EVC2: variants seen among roughly 807,000 people sequenced by gnomAD.
EVC2 encodes the protein limbin.
Under a neutral mutation model 149.3 loss-of-function variants are expected in EVC2, and 148 were observed. The observed-to-expected ratio is 0.99, with a 90% CI of 0.87 to 1.14. The LOEUF (loss-of-function observed/expected upper bound fraction) is 1.14, where lower values mean the gene tolerates loss of function less well. Among genes scored for constraint, EVC2 ranks in the 50% most tolerant of loss-of-function variants. The probability of loss-of-function intolerance (pLI) is 0.00; values close to 1 mark genes in which losing one functional copy is unlikely to be tolerated. For missense variants in EVC2, 1,854 were observed against 1,627.3 expected, an observed-to-expected ratio of 1.14 and a Z score of -2.40; for synonymous variants, 776 against 649.9, an observed-to-expected ratio of 1.19 and a Z score of -2.95.
intron 15 of EVC2, among the ~76,000 whole-genome samples, chr4:5,616,775 C>T (rs1411592328): frequency 1.3e-5 from 2 of 152,186 alleles, no homozygotes; most frequent in Non-Finnish European, 2.9e-5. Flanking sequence ...CCCAGCCTTC[C>T]CTCTGGAGAA....
chr4:5,708,054 G>C (rs563621364), intron 1 of EVC2: 6 of 416,880 alleles, frequency 1.4e-5, no homozygotes, highest in East Asian at 3.7e-5. Context: ...AACCAGGGTC[G>C]CTGGTGAAGT....
intron 16 of EVC2, among the ~76,000 whole-genome samples, chr4:5,602,657 C>A (rs1714077891): frequency 1.3e-5 from 2 of 151,996 alleles, no homozygotes; most frequent in Admixed American, 1.3e-4. Context: ...TAGTTTCCCA[C>A]AAGATTCAAC....
At chr4:5,706,433 G>GATACATAC (rs1176277863) in intron 1 of EVC2, among the ~76,000 whole-genome samples, 2 of 25,740 alleles carry the variant, frequency 7.8e-5, no homozygotes, top group Non-Finnish European at 2.0e-4. Flanking sequence ...TAGATACATA[G>GATACATAC]ATAGATAGAT....
chr4:5,563,641 A>G (rs1027029239), intron 21 of EVC2, among the ~76,000 whole-genome samples: 1 of 151,912 alleles, frequency 6.6e-6, no homozygotes, highest in African/African-American at 2.4e-5. Flanking sequence ...AACCCGGCCC[A>G]TTTTCAGGAG....
chr4:5,620,892 T>C (rs1361328798), intron 14 of EVC2, among the ~76,000 whole-genome samples: 1 of 152,224 alleles, frequency 6.6e-6, no homozygotes, highest in African/African-American at 2.4e-5. Flanking sequence ...GAGAATTTTC[T>C]GGAATGTAGG....
In EVC2 at chr4:5,568,531, G is replaced by A. The variant is rs766443374; in HGVS notation, c.3470C>T (p.Ala1157Val). 2 of 1,589,860 alleles carry A rather than the reference G, an allele frequency of 1.3e-6. No individual in the cohort carries two copies. Among genetic ancestry groups the A allele is most frequent in the South Asian group, 1.1e-5 (1 of 87,628 alleles). ...LPTASQPQLL[A>V]LLDSATERHV... is the part of the protein sequence containing the mutation. ...TCTCTCGGTGGCCGAATCCAGCAGG[G>A]CCAGCAGCTGAGGCTGTGAGGCTGT... The change falls in exon 20 of 22, where the codon GCC becomes GTC. Residue 1157 changes from alanine (A) to valine (V), a missense_variant. Ala to Val is a moderately conservative substitution (Grantham distance 64). Transcript: ENST00000344408.
intron 17 of EVC2, among the ~76,000 whole-genome samples, chr4:5,579,511 G>A (rs1469072470): frequency 1.3e-5 from 2 of 152,140 alleles, no homozygotes; most frequent in Non-Finnish European, 2.9e-5. Flanking sequence ...ACAGATGGTG[G>A]CCAGTGGTCC....
At chr4:5,581,041 T>C (rs190329845) in intron 17 of EVC2, among the ~76,000 whole-genome samples, 332 of 152,342 alleles carry the variant, frequency 2.2e-3, no homozygotes, top group African/African-American at 7.6e-3. Flanking sequence ...TCTGCCATAA[T>C]TGTAAGTTTC....
At chr4:5,552,353 T>C (rs1285021710) in intron 21 of EVC2, among the ~76,000 whole-genome samples, 1 of 152,244 alleles carries the variant, frequency 6.6e-6, no homozygotes, top group Non-Finnish European at 1.5e-5. Context: ...AGCTGAGCCA[T>C]ATAGTGCATT....
intron 9 of EVC2, among the ~76,000 whole-genome samples, chr4:5,644,819 T>C (rs551923396): frequency 6.6e-6 from 1 of 152,326 alleles, no homozygotes; most frequent in African/African-American, 2.4e-5. Context: ...CCTGACATAA[T>C]GACCACTAGG....
chr4:5,536,783 CAA>C, the EVC2 span, among the ~76,000 whole-genome samples: 2 of 137,624 alleles, frequency 1.5e-5, no homozygotes. Context: ...GACTCTGTCT[CAA>C]AAAAAAAAAA....
At chr4:5,623,638 T>C (rs2108840351) in intron 13 of EVC2, among the ~76,000 whole-genome samples, 1 of 152,140 alleles carries the variant, frequency 6.6e-6, no homozygotes, top group Non-Finnish European at 1.5e-5. Context: ...TTGTGCCAGG[T>C]CTAGAAAGTT....
chr4:5,545,008 C>G (rs772435476), intron 21 of EVC2, among the ~76,000 whole-genome samples: 2 of 152,212 alleles, frequency 1.3e-5, no homozygotes, highest in African/African-American at 4.8e-5. Context: ...ACACCCTTCA[C>G]TGACACAGCC....
intron 7 of EVC2, among the ~76,000 whole-genome samples, chr4:5,680,032 C>A (rs1334934682): frequency 6.6e-6 from 1 of 152,154 alleles, no homozygotes; most frequent in Non-Finnish European, 1.5e-5. Flanking sequence ...GCATCAGGAT[C>A]ATCAATATCA....
In EVC2 at chr4:5,640,563, A is replaced by G; in HGVS notation, c.1421T>C (p.Met474Thr). The G allele has an allele frequency of 1.2e-6, 2 of 1,614,100 alleles. No individual in the cohort carries two copies. Among genetic ancestry groups the G allele is most frequent in the Non-Finnish European group, 1.7e-6 (2 of 1,180,016 alleles). ...CTCTTCTGCTTCCTCCATTGCCATC[A>G]TCTCTCTCTGGTACTGGTTTTCCAT... Reference protein sequence around the residue: ...KKMENQYQREMMAMEEAEELL... With the variant: ...KKMENQYQRETMAMEEAEELL... Residue 474 changes from methionine (M) to threonine (T), a missense_variant, in exon 10 of 22, where the codon ATG becomes ACG. By Grantham distance (81) the Met-to-Thr change is moderately conservative. Transcript: ENST00000344408. This position sits in a 1 kb window ranked among gnomAD's most constrained non-coding sequence, Gnocchi z 4.6.
At position 5,640,645 on chromosome 4, in the gene EVC2, A is replaced by T; in HGVS notation, c.1339T>A (p.Tyr447Asn). The change falls in exon 10 of 22, where the codon TAC becomes AAC. Residue 447 changes from tyrosine to asparagine, a missense_variant. Tyr to Asn is a moderately radical substitution (Grantham distance 143, BLOSUM62 -2). Coordinates refer to ENST00000344408, the MANE Select transcript of EVC2 (RefSeq NM_147127.5). This position sits in a 1 kb window ranked among gnomAD's most constrained non-coding sequence, Gnocchi z 4.6. ...GTCAATGCCACCATCTTCCGATCGT[A>T]CTCCTCTTGTATTTCATTTTCCAGC... ...LLLENEIQEE[Y>N]DRKMVALTAE... is the part of the protein sequence containing the mutation. 2 of 1,613,566 alleles carry T rather than the reference A, an allele frequency of 1.2e-6. No homozygotes were observed. The highest frequency in any genetic ancestry group is 1.7e-6 in the Non-Finnish European group (2 of 1,179,920).
At chr4:5,707,778 G>T (rs770482525) in intron 1 of EVC2, among the ~76,000 whole-genome samples, 5 of 152,096 alleles carry the variant, frequency 3.3e-5, no homozygotes, top group Non-Finnish European at 7.4e-5. Context: ...CACAGAGGGA[G>T]GGCCAGGGTG....
intron 14 of EVC2, among the ~76,000 whole-genome samples, chr4:5,619,334 A>G (rs1044604234): frequency 6.6e-6 from 1 of 152,224 alleles, no homozygotes; most frequent in African/African-American, 2.4e-5. Flanking sequence ...ATTGGAGCAC[A>G]GTGGGCCCTT....
intron 16 of EVC2, among the ~76,000 whole-genome samples, chr4:5,597,837 A>G (rs1444312122): frequency 4.4e-5 from 5 of 113,432 alleles, no homozygotes; most frequent in African/African-American, 1.3e-4. Flanking sequence ...TCAGCCCAAA[A>G]TCTCCTTAAG....
Sources: gnomAD v4.1 joint callset for allele counts (sites outside exome capture counted in the v4.1 genomes callset) on GRCh38, gnomAD v4.1.1 for gene constraint, Gnocchi (gnomAD v3.1) non-coding constraint, MANE v1.5 for transcripts, NCBI Gene and HGNC (gene_info 2026-07-23, HGNC 2026-07-21) for gene names.